NMNAT2: variants seen among roughly 807,000 people sequenced by gnomAD.
NMNAT2 encodes nicotinamide/nicotinic acid mononucleotide adenylyltransferase 2.
In NMNAT2, 11 loss-of-function variants were observed where a neutral mutation model predicts 41.6. The ratio of observed to expected loss-of-function variants is 0.26; its 90% CI spans 0.17 to 0.44. The LOEUF is 0.44. Ranked by LOEUF, NMNAT2 falls within the 20% of genes least tolerant of loss-of-function variation. The pLI is 1.00. For missense variants in NMNAT2, 288 were observed against 407.7 expected (o/e 0.71, Z 2.53); for synonymous variants, 148 against 151.2 (o/e 0.98, Z 0.16).
intron 8 of NMNAT2, among the ~76,000 whole-genome samples, chr1:183,261,837 G>A (rs548495160): frequency 6.6e-6 from 1 of 152,326 alleles, no homozygotes; most frequent in African/African-American, 2.4e-5. Context: ...TGGGCACCCA[G>A]GCTGTGATAG....
chr1:183,394,151 C>G (rs147821826), intron 1 of NMNAT2, among the ~76,000 whole-genome samples: 2 of 152,340 alleles, frequency 1.3e-5, no homozygotes, highest in Non-Finnish European at 2.9e-5. Context: ...AAATTTTCAA[C>G]TGGTAACAGA....
Position 183,304,875 on chromosome 1 carries a change from T to A in NMNAT2, c.86-11082A>T. Reference sequence around the variant, plus strand: ...TACCTCCAGCTTGGGAGAATTTGAATCCCTTTGTCCTTACAGCCAGGAAAT... The same window carrying A: ...TACCTCCAGCTTGGGAGAATTTGAAACCCTTTGTCCTTACAGCCAGGAAAT... On this transcript the variant is annotated intron_variant, in intron 1 of 10. Coordinates refer to ENST00000287713, the MANE Select transcript of NMNAT2 (RefSeq NM_015039.4). 6 of 1,517,230 alleles carry A rather than the reference T, an allele frequency of 4.0e-6. No homozygotes were observed. The South Asian group carries it at 6.3e-5, about 16-fold the overall frequency. The allele number at this position is 1,517,230 out of a possible 1,614,324, so 94.0% of individuals were successfully genotyped here.
intron 1 of NMNAT2, among the ~76,000 whole-genome samples, chr1:183,383,660 A>T (rs1663852097): frequency 6.6e-6 from 1 of 152,194 alleles, no homozygotes; most frequent in Admixed American, 6.5e-5. Context: ...TCAAGTTCAA[A>T]GTTCCACAAA....
chr1:183,369,797 C>T (rs1350121119), intron 1 of NMNAT2, among the ~76,000 whole-genome samples: 1 of 152,036 alleles, frequency 6.6e-6, no homozygotes, highest in Non-Finnish European at 1.5e-5. Context: ...CTAACCTCCT[C>T]CTGGTCCCCG....
intron 1 of NMNAT2, among the ~76,000 whole-genome samples, chr1:183,388,504 G>A (rs534133380): frequency 2.8e-4 from 43 of 152,224 alleles, no homozygotes; most frequent in African/African-American, 9.2e-4. Context: ...TTAACCATAT[G>A]GTCCTTGAAG....
At position 183,250,470 on chromosome 1, in the gene NMNAT2, G is replaced by A. The variant is rs200984311; in HGVS notation, c.*2171C>T. ...TTTAAAAGAAAGATGCCAGGGTAAG[G>A]CTTGGGAAGTGTAGAAATCATATGG... On this transcript the variant is annotated 3_prime_UTR_variant, in exon 11 of 11. Coordinates refer to ENST00000287713, the MANE Select transcript of NMNAT2 (RefSeq NM_015039.4). 1 of 152,512 alleles carries A rather than the reference G, an allele frequency of 6.6e-6. No individual in the cohort carries two copies. The highest frequency in any genetic ancestry group is 1.5e-5 in the Non-Finnish European group (1 of 68,096). 9.4% of individuals were successfully genotyped at this position (152,512 alleles called of 1,614,324 possible).
chr1:183,299,603 C>T (rs1349209938), intron 1 of NMNAT2, among the ~76,000 whole-genome samples: 1 of 150,588 alleles, frequency 6.6e-6, no homozygotes, highest in African/African-American at 2.5e-5. Flanking sequence ...GCTCGCTTGA[C>T]CTAGGAGTTC....
intron 7 of NMNAT2, among the ~76,000 whole-genome samples, chr1:183,280,814 C>T (rs1309740563): frequency 2.0e-4 from 19 of 94,124 alleles, no homozygotes; most frequent in African/African-American, 7.9e-4. Flanking sequence ...GATGGAGTTT[C>T]GCTCTTGTTG....
At chr1:183,334,211 A>G (rs1318956097) in intron 1 of NMNAT2, among the ~76,000 whole-genome samples, 3 of 151,622 alleles carry the variant, frequency 2.0e-5, no homozygotes, top group Non-Finnish European at 4.4e-5. Flanking sequence ...GGATTACAGG[A>G]GCACAACACC....
chr1:183,252,468 C>G lies in NMNAT2; in HGVS notation c.*173G>C. The G allele has an allele frequency of 2.1e-6, 1 of 473,702 alleles. No individual in the cohort carries two copies. Among genetic ancestry groups the G allele is most frequent in the South Asian group, 1.9e-5 (1 of 52,264 alleles). The allele number at this position is 473,702 out of a possible 1,614,324, so 29.3% of individuals were successfully genotyped here. On this transcript the variant is annotated 3_prime_UTR_variant, in exon 11 of 11. Coordinates refer to ENST00000287713, the MANE Select transcript of NMNAT2 (RefSeq NM_015039.4). ...TAGAGGAAAGTCTGTCCAAAGATGA[C>G]TGTGGAATAGGGAATGCCATGGTTC...
At chr1:183,370,819 C>A (rs1228503114) in intron 1 of NMNAT2, among the ~76,000 whole-genome samples, 1 of 152,236 alleles carries the variant, frequency 6.6e-6, no homozygotes, top group Non-Finnish European at 1.5e-5. Context: ...AAGCTTCTGC[C>A]TGAACTTCTG....
At chr1:183,363,254 A>T (rs1232500913) in intron 1 of NMNAT2, among the ~76,000 whole-genome samples, 1 of 152,210 alleles carries the variant, frequency 6.6e-6, no homozygotes, top group African/African-American at 2.4e-5. Context: ...TCACTTAGTT[A>T]TGTGACCTCA....
At chr1:183,396,304 G>T (rs1448537035) in intron 1 of NMNAT2, among the ~76,000 whole-genome samples, 2 of 152,216 alleles carry the variant, frequency 1.3e-5, no homozygotes, top group East Asian at 1.9e-4. Context: ...ATCAGGTGAT[G>T]GTCAGGCGGT....
intron 1 of NMNAT2, among the ~76,000 whole-genome samples, chr1:183,313,920 T>C (rs1389597693): frequency 1.3e-5 from 2 of 152,248 alleles, no homozygotes; most frequent in East Asian, 3.8e-4. Flanking sequence ...TCCAAGGGCC[T>C]CAGCTGCAGC....
At chr1:183,379,211 C>T (rs948194080) in intron 1 of NMNAT2, among the ~76,000 whole-genome samples, 4 of 152,044 alleles carry the variant, frequency 2.6e-5, no homozygotes, top group Non-Finnish European at 4.4e-5. Context: ...GACTATATCT[C>T]GCTCTGTCAC....
At chr1:183,320,736 G>A (rs554116404) in intron 1 of NMNAT2, among the ~76,000 whole-genome samples, 1 of 152,314 alleles carries the variant, frequency 6.6e-6, no homozygotes, top group South Asian at 2.1e-4. Context: ...CACAGAAGTT[G>A]ATCTAAAGTC....
chr1:183,259,744 C>T (rs542403202), intron 10 of NMNAT2, among the ~76,000 whole-genome samples: 54 of 152,188 alleles, frequency 3.5e-4, no homozygotes, highest in African/African-American at 1.2e-3. Flanking sequence ...GGACTACAGG[C>T]GGCTGCCACC....
intron 1 of NMNAT2, among the ~76,000 whole-genome samples, chr1:183,355,146 C>T (rs190682928): frequency 6.6e-6 from 1 of 152,152 alleles, no homozygotes; most frequent in Non-Finnish European, 1.5e-5. Flanking sequence ...CATTCTCACC[C>T]CTTGCATCCA....
chr1:183,389,824 GAAAGAAAGAAAGAAAGAAAGGAAA>G (rs1648408242), intron 1 of NMNAT2, among the ~76,000 whole-genome samples: 1 of 54,292 alleles, frequency 1.8e-5, no homozygotes, highest in African/African-American at 6.1e-5. Flanking sequence ...AAGAAAGAAA[GAAAGAAAGAAAGAAAGAAAGGAAA>G]AAAGAGAAAG....
Sources: allele counts gnomAD v4.1 joint callset (sites outside exome capture counted in the v4.1 genomes callset), GRCh38; gene constraint gnomAD v4.1.1; transcripts MANE v1.5; gene names NCBI Gene and HGNC (gene_info 2026-07-23, HGNC 2026-07-21).